Variants in EPS15 observed in about 807,000 individuals in gnomAD.
The protein encoded by EPS15 is epidermal growth factor receptor substrate 15.
EPS15 carries 72 observed loss-of-function variants against 113.8 expected under a neutral mutation model. That is an observed-to-expected ratio of 0.63 (90% CI 0.52 to 0.77). The LOEUF (loss-of-function observed/expected upper bound fraction) is 0.77, where lower values mean the gene tolerates loss of function less well. Ranked by LOEUF, EPS15 falls within the 30% of genes least tolerant of loss-of-function variation. EPS15 has a pLI of 0.00. For missense variants in EPS15, 1,048 were observed against 1,045.8 expected, an observed-to-expected ratio of 1.00 and a Z score of -0.03; for synonymous variants, 344 against 363.4, an observed-to-expected ratio of 0.95 and a Z score of 0.61.
At chr1:51,380,542 GA>G (rs1211574365) in intron 21 of EPS15, among the ~76,000 whole-genome samples, 2 of 151,840 alleles carry the variant, frequency 1.3e-5, no homozygotes, top group Non-Finnish European at 2.9e-5. Context: ...GAAACACAGA[GA>G]AAAGAGTAAA....
At chr1:51,359,289 CA>C (rs1646320624) in intron 24 of EPS15, among the ~76,000 whole-genome samples, 1 of 151,732 alleles carries the variant, frequency 6.6e-6, no homozygotes, top group Non-Finnish European at 1.5e-5. Flanking sequence ...ACTAAAAACA[CA>C]AAAATTGGCT....
At chr1:51,480,392 C>T (rs555792978) in intron 2 of EPS15, among the ~76,000 whole-genome samples, 1 of 152,276 alleles carries the variant, frequency 6.6e-6, no homozygotes, top group African/African-American at 2.4e-5. Context: ...ACTTTATACT[C>T]GTAGAGGTAG....
At chr1:51,392,986 A>G (rs1243456936) in intron 21 of EPS15, among the ~76,000 whole-genome samples, 1 of 152,192 alleles carries the variant, frequency 6.6e-6, no homozygotes, top group Non-Finnish European at 1.5e-5. Context: ...ATGTAATTTA[A>G]CCACTGTTAA....
intron 21 of EPS15, 114 bp from the exon 22 acceptor site, chr1:51,366,143 C>T: frequency 1.6e-6 from 1 of 641,284 alleles, no homozygotes; most frequent in Non-Finnish European, 2.6e-6. Flanking sequence ...TCATGGCTCA[C>T]TGCAGCCTCA....
chr1:51,508,333 A>AG (rs1491413883), intron 1 of EPS15, among the ~76,000 whole-genome samples: 1 of 129,878 alleles, frequency 7.7e-6, no homozygotes, highest in East Asian at 2.1e-4. Flanking sequence ...AGAGAAAGAG[A>AG]AAGAGAGAAA....
At chr1:51,361,087 T>A in intron 24 of EPS15, 84 bp downstream of exon 24, 1 of 1,007,108 alleles carries the variant, frequency 9.9e-7, no homozygotes, top group South Asian at 1.6e-5. Flanking sequence ...TTAGTTAAAA[T>A]GATGCAAACT....
At chr1:51,463,526 T>G in intron 7 of EPS15, 147 bp downstream of exon 7, 2 of 515,516 alleles carry the variant, frequency 3.9e-6, no homozygotes, top group Non-Finnish European at 3.4e-6. Context: ...ATTTTATACA[T>G]TAAGTCAGAA....
chr1:51,489,109 A>G lies in EPS15; in HGVS notation c.34-7795T>C, dbSNP rs902835722. ...TGTTACTTGTTACTTGAAATTTGTG[A>G]TTTTGGTTTAAACCAATATCCTAAC... On this transcript the variant is annotated intron_variant, in intron 1 of 24. Coordinates refer to ENST00000371733, the MANE Select transcript of EPS15 (RefSeq NM_001981.3). 2.6e-5 allele frequency among the ~76,000 whole-genome samples: 4 copies of G among 151,556 alleles called. No homozygotes were observed. The East Asian group carries it at 7.7e-4, about 29-fold the overall frequency.
intron 1 of EPS15, among the ~76,000 whole-genome samples, chr1:51,499,544 T>C (rs1410254255): frequency 1.3e-5 from 2 of 152,188 alleles, no homozygotes; most frequent in Non-Finnish European, 2.9e-5. Context: ...ACTGCCATGC[T>C]GTTTTCCATC....
intron 15 of EPS15, 107 bp from the exon 16 acceptor site, chr1:51,406,215 C>A: frequency 1.1e-6 from 1 of 892,410 alleles, no homozygotes; most frequent in Non-Finnish European, 1.7e-6. Flanking sequence ...GTAGCTCATG[C>A]CTATAATCTC....
chr1:51,410,765 A>G (rs914356077), intron 13 of EPS15, among the ~76,000 whole-genome samples: 1 of 152,242 alleles, frequency 6.6e-6, no homozygotes, highest in African/African-American at 2.4e-5. Context: ...CTAAGAACAG[A>G]AGAGAAACTT....
chr1:51,492,455 A>T (rs1441946140), intron 1 of EPS15, among the ~76,000 whole-genome samples: 1 of 152,234 alleles, frequency 6.6e-6, no homozygotes, highest in African/African-American at 2.4e-5. Flanking sequence ...CAAAAATGAA[A>T]GAAGAAAGGG....
chr1:51,413,428 G>A (rs1237369133), intron 13 of EPS15, among the ~76,000 whole-genome samples: 5 of 152,090 alleles, frequency 3.3e-5, no homozygotes, highest in Non-Finnish European at 7.4e-5. Context: ...CATTCCAGGG[G>A]CTTAATTAAG....
At chr1:51,366,939 C>G (rs1570093856) in intron 21 of EPS15, among the ~76,000 whole-genome samples, 1 of 152,116 alleles carries the variant, frequency 6.6e-6, no homozygotes, top group African/African-American at 2.4e-5. Context: ...AAAGAATGGA[C>G]AGTCAACAAA....
rs766495253 is a variant in EPS15 at position 51,406,079 on chromosome 1, A to G, written c.1503T>C (p.Asp501=). Residue 501 remains aspartate, a synonymous_variant, in exon 16 of 25, where the codon GAT becomes GAC. Transcript: ENST00000371733. ...TTAACTGACTATTATGATTTTCCAA[A>G]TCTTTCATTTCCATCAGTTTCATTT... ...SMQMKLMEMK[D]LENHNSQLNW... The G allele has an allele frequency of 6.2e-7, 1 of 1,613,884 alleles. No homozygotes were observed. Among genetic ancestry groups the G allele is most frequent in the South Asian group, 1.1e-5 (1 of 91,074 alleles).
At chr1:51,484,620 T>C (rs1316316768) in intron 1 of EPS15, among the ~76,000 whole-genome samples, 1 of 152,228 alleles carries the variant, frequency 6.6e-6, no homozygotes. Flanking sequence ...CCATCTTTCT[T>C]GTTCTGATTC....
intron 13 of EPS15, among the ~76,000 whole-genome samples, chr1:51,415,522 C>T (rs1035572519): frequency 6.6e-6 from 1 of 152,144 alleles, no homozygotes; most frequent in Middle Eastern, 3.4e-3. Flanking sequence ...CTGGGCCAGG[C>T]GTGGTGGCTC....
chr1:51,462,946 G>A (rs1368716943), intron 7 of EPS15, among the ~76,000 whole-genome samples: 2 of 141,788 alleles, frequency 1.4e-5, no homozygotes, highest in Admixed American at 7.7e-5. Context: ...GTGCGATCTC[G>A]GCTCACTGCA....
intron 21 of EPS15, among the ~76,000 whole-genome samples, chr1:51,380,907 T>C (rs1288108222): frequency 3.3e-5 from 5 of 152,148 alleles, no homozygotes; most frequent in Non-Finnish European, 5.9e-5. Context: ...TCAGAAAAAA[T>C]AGACTTTAAC....
Sources: gnomAD v4.1 joint callset for allele counts (sites outside exome capture counted in the v4.1 genomes callset) on GRCh38, gnomAD v4.1.1 for gene constraint, MANE v1.5 for transcripts, NCBI Gene and HGNC (gene_info 2026-07-23, HGNC 2026-07-21) for gene names.